SLK: variants seen among roughly 807,000 people sequenced by gnomAD.
SLK encodes the protein STE20-like serine/threonine-protein kinase.
In SLK, 67 loss-of-function variants were observed where a neutral mutation model predicts 147.7. That is an observed-to-expected ratio of 0.45 (90% CI 0.37 to 0.56). The LOEUF (loss-of-function observed/expected upper bound fraction) is 0.56. Among genes scored for constraint, SLK ranks in the 20% least tolerant of loss-of-function variants. The pLI is 0.00. For missense variants in SLK, 1,136 were observed against 1,438.8 expected (o/e 0.79, Z 3.41); for synonymous variants, 441 against 475.0 (o/e 0.93, Z 0.93).
chr10:104,013,304 G>A (rs1844421937), intron 13 of SLK, among the ~76,000 whole-genome samples: 1 of 152,232 alleles, frequency 6.6e-6, no homozygotes, highest in South Asian at 2.1e-4. Context: ...GAGTCCCTAA[G>A]ACGGCAAGAA....
chr10:103,969,554 ATG>A (rs1190976693), intron 1 of SLK, among the ~76,000 whole-genome samples: 1 of 152,214 alleles, frequency 6.6e-6, no homozygotes, highest in African/African-American at 2.4e-5. Context: ...AAATGAAAGA[ATG>A]TGTTTTGTCT....
At chr10:103,997,715 T>A (rs1844194062) in intron 4 of SLK, among the ~76,000 whole-genome samples, 1 of 152,094 alleles carries the variant, frequency 6.6e-6, no homozygotes, top group Non-Finnish European at 1.5e-5. Context: ...TTATTTTAAA[T>A]TTTTTCTGGA....
chr10:103,992,874 T>A, intron 3 of SLK, 110 bp from the exon 4 acceptor site: 1 of 762,836 alleles, frequency 1.3e-6, no homozygotes, highest in Middle Eastern at 3.9e-4. Flanking sequence ...TAAAATAAAT[T>A]CCCTGCATAT....
chr10:104,019,291 T>G (rs906129203), intron 15 of SLK, among the ~76,000 whole-genome samples: 2 of 152,168 alleles, frequency 1.3e-5, no homozygotes, highest in African/African-American at 4.8e-5. Context: ...TTTATTCTTT[T>G]GAGACAGAGT....
intron 1 of SLK, among the ~76,000 whole-genome samples, chr10:103,981,189 T>TTTGTTG (rs139103127): frequency 1.6e-5 from 2 of 126,546 alleles, no homozygotes; most frequent in Non-Finnish European, 3.4e-5. Context: ...GTGGGTTTTT[T>TTTGTTG]TTGTTGTTGT....
chr10:103,967,982 C>T, intron 1 of SLK, 87 bp downstream of exon 1: 1 of 1,336,294 alleles, frequency 7.5e-7, no homozygotes, highest in Admixed American at 2.0e-5. Flanking sequence ...TCCCCTGGTC[C>T]TTATCCTGTC....
At position 104,027,561 on chromosome 10, in the gene SLK, T is replaced by C. The variant is rs1157944289; in HGVS notation, c.*1841T>C. On this transcript the variant is annotated 3_prime_UTR_variant, in exon 19 of 19. Transcript: ENST00000369755. The stretch of plus-strand genomic sequence containing the variant: ...ATGATAAAAATTGTTTATATTGTTA[T>C]GATAAAAATGACAGTATAATGTTGC... 1 of 152,600 alleles carries C rather than the reference T, an allele frequency of 6.6e-6. No individual in the cohort carries two copies. Among genetic ancestry groups the C allele is most frequent in the African/African-American group, 2.4e-5 (1 of 41,430 alleles). The allele number at this position is 152,600 out of a possible 1,614,324, so 9.5% of individuals were successfully genotyped here. A position where few individuals can be genotyped will look rare whatever the true frequency, so the allele number is the denominator to read the frequency against.
At chr10:103,972,651 G>C (rs192783562) in intron 1 of SLK, among the ~76,000 whole-genome samples, 2 of 138,540 alleles carry the variant, frequency 1.4e-5, no homozygotes, top group South Asian at 4.7e-4. Flanking sequence ...CAGCCTGGGC[G>C]AAAGAGCAAG....
chr10:104,013,546 A>G (rs1445568956), intron 13 of SLK, among the ~76,000 whole-genome samples: 1 of 152,252 alleles, frequency 6.6e-6, no homozygotes, highest in Non-Finnish European at 1.5e-5. Context: ...CAAGAAACTC[A>G]ACATTTGTAT....
At chr10:103,983,042 A>C (rs1216712921) in intron 1 of SLK, among the ~76,000 whole-genome samples, 1 of 143,914 alleles carries the variant, frequency 6.9e-6, no homozygotes, top group Admixed American at 6.8e-5. Flanking sequence ...ATAATAATCT[A>C]TGTGAGGGGT....
chr10:103,992,932 T>C (rs1844120077), intron 3 of SLK, 52 bp from the exon 4 acceptor site: 9 of 1,359,918 alleles, frequency 6.6e-6, no homozygotes, highest in Non-Finnish European at 8.3e-6. Context: ...AGCCTGCTAA[T>C]ATGTTTTCAC....
At chr10:103,978,973 A>G (rs1168979020) in intron 1 of SLK, among the ~76,000 whole-genome samples, 1 of 151,516 alleles carries the variant, frequency 6.6e-6, no homozygotes, top group Non-Finnish European at 1.5e-5. Flanking sequence ...TAGCATCTCA[A>G]TTTTAAAGAA....
At chr10:103,986,480 CAGAGCTCAGGT>C (rs1355701825) in intron 1 of SLK, among the ~76,000 whole-genome samples, 20 of 152,090 alleles carry the variant, frequency 1.3e-4, no homozygotes, top group Non-Finnish European at 2.2e-4. Flanking sequence ...TGACAGGAGA[CAGAGCTCAGGT>C]GGTATTGTGA....
intron 6 of SLK, 151 bp from the exon 7 acceptor site, chr10:103,999,716 A>G (rs1193230907): frequency 5.9e-6 from 3 of 510,818 alleles, no homozygotes; most frequent in African/African-American, 2.0e-5. Context: ...TAAGTTTTAC[A>G]AAATCTTAAT....
intron 16 of SLK, among the ~76,000 whole-genome samples, 182 bp from the exon 17 acceptor site, chr10:104,020,306 T>G (rs932953360): frequency 6.6e-6 from 1 of 152,222 alleles, no homozygotes; most frequent in African/African-American, 2.4e-5. Context: ...GATCAAGGTT[T>G]TAATCAGAAG....
chr10:103,976,464 TTGAGTA>T (rs1843872372), intron 1 of SLK, among the ~76,000 whole-genome samples: 1 of 152,188 alleles, frequency 6.6e-6, no homozygotes, highest in Non-Finnish European at 1.5e-5. Flanking sequence ...AGCCATTCTG[TTGAGTA>T]TAAGTGGTTT....
In SLK at chr10:104,025,560, CCTTT is replaced by C. The variant is rs1211871568; in HGVS notation, c.3562-9_3562-6del. The stretch of plus-strand genomic sequence containing the variant: ...ACCAGCACATAGCAATTTCTTTTTC[CCTTT>C]CTTTTTAAGACACTGGAAGAAGAGT... On this transcript the variant is annotated splice_polypyrimidine_tract_variant and intron_variant, in intron 18 of 18. Coordinates refer to ENST00000369755, the MANE Select transcript of SLK (RefSeq NM_014720.4). 9 of 1,610,422 alleles carry C rather than the reference CCTTT, an allele frequency of 5.6e-6. No homozygotes were observed. The Admixed American group carries it at 1.2e-4, about 21-fold the overall frequency.
chr10:103,972,621 G>A (rs962638541), intron 1 of SLK, among the ~76,000 whole-genome samples: 3 of 151,688 alleles, frequency 2.0e-5, no homozygotes, highest in African/African-American at 4.8e-5. Flanking sequence ...GCAGTGAGCC[G>A]GGATCGCACC....
At chr10:103,999,060 C>T (rs1423669960) in intron 5 of SLK, 59 bp from the exon 6 acceptor site, 18 of 1,541,294 alleles carry the variant, frequency 1.2e-5, no homozygotes, top group Non-Finnish European at 1.5e-5. Flanking sequence ...TTGATTATAC[C>T]ATGTGTTTTG....
Sources: gnomAD v4.1 joint callset for allele counts (sites outside exome capture counted in the v4.1 genomes callset) on GRCh38, gnomAD v4.1.1 for gene constraint, MANE v1.5 for transcripts, NCBI Gene and HGNC (gene_info 2026-07-23, HGNC 2026-07-21) for gene names.